LMO1: variants seen among roughly 807,000 people sequenced by gnomAD.
LMO1 encodes the protein LIM domain only 1, also known as rhombotin-1.
In LMO1, 10 loss-of-function variants were observed where a neutral mutation model predicts 18.0. The ratio of observed to expected loss-of-function variants is 0.55; its 90% CI spans 0.34 to 0.94. The LOEUF is 0.94. Ranked by LOEUF, LMO1 falls within the 40% of genes least tolerant of loss-of-function variation. The pLI, the probability that LMO1 is intolerant of heterozygous loss-of-function variation, is 0.02. For missense variants in LMO1, 183 were observed against 205.7 expected (o/e 0.89, Z 0.68); for synonymous variants, 77 against 77.9 (o/e 0.99, Z 0.06).
chr11:8,241,111 C>G (rs1318082650), intron 1 of LMO1, among the ~76,000 whole-genome samples: 1 of 152,168 alleles, frequency 6.6e-6, no homozygotes, highest in Non-Finnish European at 1.5e-5. Flanking sequence ...ACAACAGGTC[C>G]AAAGCAGGAT....
At chr11:8,255,579 C>T (rs1847077543) in intron 1 of LMO1, among the ~76,000 whole-genome samples, 1 of 152,158 alleles carries the variant, frequency 6.6e-6, no homozygotes, top group Non-Finnish European at 1.5e-5. Flanking sequence ...AGCCTTCTGG[C>T]TAATGAGGGC....
chr11:8,252,791 C>T (rs1274501584), intron 1 of LMO1, among the ~76,000 whole-genome samples: 1 of 152,234 alleles, frequency 6.6e-6, no homozygotes, highest in Non-Finnish European at 1.5e-5. Flanking sequence ...CCAGGTGACA[C>T]ACCTTGATCA....
chr11:8,247,154 A>G (rs999928547), intron 1 of LMO1, among the ~76,000 whole-genome samples: 2 of 152,360 alleles, frequency 1.3e-5, no homozygotes, highest in East Asian at 1.9e-4. Context: ...GAGCATGCCC[A>G]TGGCAGGGGG....
At chr11:8,226,443 G>T (rs1952543303) in intron 3 of LMO1, among the ~76,000 whole-genome samples, 1 of 152,164 alleles carries the variant, frequency 6.6e-6, no homozygotes, top group South Asian at 2.1e-4. Flanking sequence ...AACCCGGGAG[G>T]CAGAGGTTGC....
upstream of LMO1, among the ~76,000 whole-genome samples, chr11:8,266,843 G>A (rs1417193796): frequency 2.0e-5 from 3 of 152,230 alleles, no homozygotes; most frequent in Admixed American, 6.5e-5. Flanking sequence ...CCTCCAAGAC[G>A]GAGTTACAAG....
At chr11:8,234,472 G>A (rs1055719547) in intron 1 of LMO1, among the ~76,000 whole-genome samples, 3 of 152,124 alleles carry the variant, frequency 2.0e-5, no homozygotes, top group African/African-American at 4.8e-5. Context: ...GCTCCAGCAC[G>A]TGGACTTTCC....
chr11:8,259,994 C>A (rs1308828270), intron 1 of LMO1, among the ~76,000 whole-genome samples: 2 of 152,146 alleles, frequency 1.3e-5, no homozygotes, highest in Non-Finnish European at 2.9e-5. Context: ...TCACCCCCAC[C>A]TTCCTGCTGG....
intron 1 of LMO1, among the ~76,000 whole-genome samples, chr11:8,235,827 C>T (rs971376340): frequency 3.9e-5 from 6 of 152,212 alleles, no homozygotes; most frequent in South Asian, 2.1e-4. Context: ...TGAGAAAGAA[C>T]GGAGTTAATT....
At chr11:8,265,497 C>G (rs1847252112), upstream of LMO1, among the ~76,000 whole-genome samples, 1 of 152,202 alleles carries the variant, frequency 6.6e-6, no homozygotes. Context: ...AATGAGATGC[C>G]TCATCTGCAG....
chr11:8,250,845 G>A (rs1846978523), intron 1 of LMO1, among the ~76,000 whole-genome samples: 1 of 152,250 alleles, frequency 6.6e-6, no homozygotes, highest in Non-Finnish European at 1.5e-5. Flanking sequence ...GCCATAAAAG[G>A]ATGTAATTGG....
intron 3 of LMO1, among the ~76,000 whole-genome samples, chr11:8,226,638 G>A (rs1222224251): frequency 2.0e-5 from 3 of 152,132 alleles, no homozygotes; most frequent in Non-Finnish European, 2.9e-5. Flanking sequence ...ATTCCATCAT[G>A]CACATGTGCC....
At chr11:8,257,018 G>C (rs114449567) in intron 1 of LMO1, among the ~76,000 whole-genome samples, 1,749 of 152,326 alleles carry the variant, frequency 0.011, 39 homozygotes, top group African/African-American at 0.04. Context: ...GTGGTGTGCT[G>C]ATGCATGCTT....
chr11:8,255,099 A>G (rs1427704798), intron 1 of LMO1, among the ~76,000 whole-genome samples: 1 of 152,170 alleles, frequency 6.6e-6, no homozygotes, highest in Non-Finnish European at 1.5e-5. Context: ...CAAGAGCAGA[A>G]TCTGCTTCTC....
chr11:8,227,138 T>C, intron 2 of LMO1, 38 bp from the exon 3 acceptor site: 3 of 1,588,352 alleles, frequency 1.9e-6, no homozygotes, highest in Non-Finnish European at 2.6e-6. Flanking sequence ...AGCAGCATTC[T>C]GGGAAGCTGG....
At chr11:8,264,037 G>A (rs1449516966), upstream of LMO1, among the ~76,000 whole-genome samples, 2 of 151,490 alleles carry the variant, frequency 1.3e-5, no homozygotes, top group African/African-American at 4.9e-5. Context: ...CCGATCCCAG[G>A]GTCGTGGTCT....
intron 1 of LMO1, among the ~76,000 whole-genome samples, chr11:8,261,633 G>A (rs1847188012): frequency 6.6e-6 from 1 of 152,190 alleles, no homozygotes; most frequent in Non-Finnish European, 1.5e-5. Context: ...CATAGTGACA[G>A]TATCTCCAGG....
rs74949871 is a variant in LMO1, at chr11:8,252,135, G to A, written c.25+11203C>T. ...CCACCTCCCCAGGCTCATGGCAGGC[G>A]GGGCCTGTTTCTCGCCTAAACTCTT... On this transcript the variant is annotated intron_variant, in intron 1 of 3. Coordinates refer to ENST00000335790, the MANE Select transcript of LMO1 (RefSeq NM_002315.3). Among the ~76,000 whole-genome samples, 642 of 152,192 alleles carry A rather than the reference G, an allele frequency of 4.2e-3. 4 individuals are homozygous for A. Among genetic ancestry groups the A allele is most frequent in the Non-Finnish European group, 5.1e-3 (348 of 67,998 alleles).
At position 8,224,685 on chromosome 11, in the gene LMO1, G is replaced by A. The variant is rs776012881; in HGVS notation, c.402C>T (p.Asn134=). The A allele has an allele frequency of 9.3e-6, 15 of 1,609,578 alleles. No homozygotes were observed. The highest frequency in any genetic ancestry group is 9.3e-6 in the Non-Finnish European group (11 of 1,177,798). ...CVGDKFFLKN[N]MILCQMDYEE... ...CATAGTCCATCTGACACAAGATCATGTTGTTCTTCAGGAAGAATTTGTCTC... is the reference window on the plus strand; with the variant it reads ...CATAGTCCATCTGACACAAGATCATATTGTTCTTCAGGAAGAATTTGTCTC... The change falls in exon 4 of 4, where the codon AAC becomes AAT. Residue 134 remains asparagine (N), a synonymous_variant. Transcript: ENST00000335790.
intron 1 of LMO1, among the ~76,000 whole-genome samples, chr11:8,255,541 G>C (rs549154299): frequency 6.6e-6 from 1 of 152,136 alleles, no homozygotes; most frequent in Non-Finnish European, 1.5e-5. Context: ...CTTCCGGACC[G>C]GTCTCTGCCA....
Sources: allele counts gnomAD v4.1 joint callset (sites outside exome capture counted in the v4.1 genomes callset), GRCh38; gene constraint gnomAD v4.1.1; transcripts MANE v1.5; gene names NCBI Gene and HGNC (gene_info 2026-07-23, HGNC 2026-07-21).